Variants in STARD13 observed in about 807,000 individuals in gnomAD.
STARD13 encodes the protein stAR-related lipid transfer protein 13.
STARD13 carries 62 observed loss-of-function variants against 106.4 expected under a neutral mutation model. The observed-to-expected ratio is 0.58, with a 90% confidence interval of 0.48 to 0.72. The LOEUF (loss-of-function observed/expected upper bound fraction) is 0.72. Among genes scored for constraint, STARD13 ranks in the 30% least tolerant of loss-of-function variants. The probability of loss-of-function intolerance (pLI) is 0.00; values close to 1 mark genes in which losing one functional copy is unlikely to be tolerated. For synonymous variants in STARD13, 565 were observed against 553.0 expected (o/e 1.02, Z -0.31); for missense variants, 1,387 against 1,424.0 (o/e 0.97, Z 0.42).
chr13:33,376,390 G>C, the STARD13 span, among the ~76,000 whole-genome samples: 7 of 152,314 alleles, frequency 4.6e-5, no homozygotes, highest in East Asian at 1.2e-3. Flanking sequence ...TTCTAGAAGT[G>C]GGGTGGAGGA....
intron 1 of STARD13, among the ~76,000 whole-genome samples, chr13:33,247,688 AG>A (rs1889897674): frequency 6.6e-6 from 1 of 152,212 alleles, no homozygotes; most frequent in African/African-American, 2.4e-5. Flanking sequence ...TAGATATCCC[AG>A]TTATATATGT....
intron 1 of STARD13, among the ~76,000 whole-genome samples, chr13:33,317,724 A>G (rs1173384458): frequency 6.6e-6 from 1 of 152,114 alleles, no homozygotes; most frequent in Non-Finnish European, 1.5e-5. Context: ...TTATATATTT[A>G]TTGATTTATT....
At chr13:33,501,986 T>A in the STARD13 span, among the ~76,000 whole-genome samples, 1 of 152,212 alleles carries the variant, frequency 6.6e-6, no homozygotes, top group Admixed American at 6.5e-5. Context: ...GTATGACCAT[T>A]TTCACGATAT....
chr13:33,388,862 T>C, the STARD13 span, among the ~76,000 whole-genome samples: 1 of 152,138 alleles, frequency 6.6e-6, no homozygotes, highest in Non-Finnish European at 1.5e-5. Flanking sequence ...TGCCGGTGCC[T>C]TGTGACTTCA....
At chr13:33,335,885 T>G (rs2077890642) in intron 1 of STARD13, among the ~76,000 whole-genome samples, 2 of 152,264 alleles carry the variant, frequency 1.3e-5, no homozygotes, top group Non-Finnish European at 2.9e-5. Flanking sequence ...GGGCATTAAG[T>G]ACGAACATAC....
the STARD13 span, among the ~76,000 whole-genome samples, chr13:33,424,680 C>T: frequency 6.6e-6 from 1 of 152,068 alleles, no homozygotes; most frequent in Non-Finnish European, 1.5e-5. Context: ...TTTTTAGAAT[C>T]TTTAATGGCC....
At chr13:33,519,872 G>A in the STARD13 span, 2 of 152,048 alleles carry the variant, frequency 1.3e-5, no homozygotes, top group Non-Finnish European at 2.9e-5. Flanking sequence ...AGCAATTCTT[G>A]AAGGTCTACA....
At chr13:33,309,523 C>G (rs1049721113) in intron 1 of STARD13, among the ~76,000 whole-genome samples, 8 of 152,148 alleles carry the variant, frequency 5.3e-5, no homozygotes, top group South Asian at 2.1e-4. Flanking sequence ...TTTCAAAGCA[C>G]AGAGTTCGCT....
the STARD13 span, among the ~76,000 whole-genome samples, chr13:33,562,451 ACC>A: frequency 6.8e-6 from 1 of 146,772 alleles, no homozygotes; most frequent in Admixed American, 7.0e-5. Context: ...CCTTCAGGAA[ACC>A]TTCCTGGACT....
chr13:33,127,355 G>A lies in STARD13; in HGVS notation c.1922+18C>T, dbSNP rs1040435242. On this transcript the variant is annotated intron_variant, in intron 6 of 13. Coordinates refer to ENST00000336934, the MANE Select transcript of STARD13 (RefSeq NM_178006.4). The stretch of plus-strand genomic sequence containing the variant: ...CTCTAGAGCCAAGGATCCCCTCCTA[G>A]GTGAATGTGCTACGCACCATGTCCA... 25 of 1,552,474 alleles carry A rather than the reference G, an allele frequency of 1.6e-5. No homozygotes were observed. The highest frequency in any genetic ancestry group is 2.1e-5 in the Non-Finnish European group (24 of 1,151,098).
At chr13:33,652,099 C>T in the STARD13 span, among the ~76,000 whole-genome samples, 2 of 152,162 alleles carry the variant, frequency 1.3e-5, no homozygotes, top group African/African-American at 4.8e-5. Flanking sequence ...TAATAAAATG[C>T]TTATTGTTTC....
chr13:33,334,687 A>T (rs1156919895), intron 1 of STARD13, among the ~76,000 whole-genome samples: 1 of 152,136 alleles, frequency 6.6e-6, no homozygotes, highest in Non-Finnish European at 1.5e-5. Context: ...CTAGGTAGGC[A>T]GAGAGAGAGA....
At chr13:33,345,321 A>G (rs1192790162), downstream of STARD13, among the ~76,000 whole-genome samples, 1 of 152,232 alleles carries the variant, frequency 6.6e-6, no homozygotes, top group Non-Finnish European at 1.5e-5. Context: ...GAGGGAAGAA[A>G]GAGTACTTTT....
At chr13:33,246,118 G>A (rs1050999705) in intron 1 of STARD13, among the ~76,000 whole-genome samples, 5 of 152,178 alleles carry the variant, frequency 3.3e-5, no homozygotes, top group Admixed American at 2.0e-4. Context: ...ATTTTTTAGT[G>A]TGTGGGTAGA....
chr13:33,668,177 A>T, the STARD13 span, among the ~76,000 whole-genome samples: 1 of 152,218 alleles, frequency 6.6e-6, no homozygotes, highest in African/African-American at 2.4e-5. Context: ...TCTAAATTTA[A>T]TTCGGCTGAA....
the STARD13 span, among the ~76,000 whole-genome samples, chr13:33,619,780 G>C: frequency 1.2e-4 from 19 of 152,238 alleles, no homozygotes; most frequent in East Asian, 2.9e-3. Context: ...AAATACGTTA[G>C]AGGCCGGTTG....
chr13:33,239,057 T>C (rs1207098371), intron 1 of STARD13, among the ~76,000 whole-genome samples: 1 of 150,662 alleles, frequency 6.6e-6, no homozygotes, highest in Non-Finnish European at 1.5e-5. Context: ...CCACTGACAG[T>C]CATCATTCTA....
At chr13:33,115,734 G>C (rs1405744459) in intron 8 of STARD13, among the ~76,000 whole-genome samples, 2 of 152,186 alleles carry the variant, frequency 1.3e-5, no homozygotes, top group African/African-American at 4.8e-5. Context: ...AAAATGCTGA[G>C]AGCTTCTGTA....
chr13:33,496,984 A>C, the STARD13 span, among the ~76,000 whole-genome samples: 1 of 152,128 alleles, frequency 6.6e-6, no homozygotes, highest in Admixed American at 6.6e-5. Context: ...CAAACAGATA[A>C]TTTTGTAAGA....
Sources: gnomAD v4.1 joint callset for allele counts (sites outside exome capture counted in the v4.1 genomes callset) on GRCh38, gnomAD v4.1.1 for gene constraint, MANE v1.5 for transcripts, NCBI Gene and HGNC (gene_info 2026-07-23, HGNC 2026-07-21) for gene names.